The following PHRF1 variants were observed in gnomAD, a reference collection of about 807,000 sequenced individuals.
PHRF1 encodes the protein PHD and RING finger domain-containing protein 1.
PHRF1 carries 53 observed loss-of-function variants against 128.9 expected under a neutral mutation model. That is an observed-to-expected ratio of 0.41 (90% confidence interval 0.33 to 0.52). The LOEUF is 0.52. Among genes scored for constraint, PHRF1 ranks in the 20% least tolerant of loss-of-function variants. The pLI is 0.21. For synonymous variants in PHRF1, 1,178 were observed against 980.6 expected (o/e 1.20, Z -3.76); for missense variants, 2,503 against 2,284.5 (o/e 1.10, Z -1.95).
chr11:591,887 C>T (rs1311566441), intron 5 of PHRF1, among the ~76,000 whole-genome samples: 1 of 151,748 alleles, frequency 6.6e-6, no homozygotes, highest in Non-Finnish European at 1.5e-5. Flanking sequence ...GCTGGGTCCA[C>T]AGGCATGAGC....
intron 14 of PHRF1, 63 bp downstream of exon 14, chr11:609,783 CCGAGGACAGAGCCCCCCG>C: frequency 8.8e-7 from 1 of 1,137,966 alleles, no homozygotes; most frequent in African/African-American, 2.1e-5. Context: ...CTGGCCCCCG[CCGAGGACAGAGCCCCCCG>C]TGAGTAAGGC....
chr11:599,326 C>A (rs1387421401), intron 9 of PHRF1, among the ~76,000 whole-genome samples: 1 of 140,364 alleles, frequency 7.1e-6, no homozygotes, highest in Admixed American at 7.6e-5. Flanking sequence ...TCTTGGCTCA[C>A]TGCATCCTCC....
chr11:606,319 G>T, intron 12 of PHRF1, 123 bp from the exon 13 acceptor site: 1 of 1,265,838 alleles, frequency 7.9e-7, no homozygotes, highest in Non-Finnish European at 1.1e-6. Context: ...GGGCTGTGGG[G>T]GAGGCGCAGG....
At position 608,360 on chromosome 11, in the gene PHRF1, G is replaced by C. The variant is rs775895093; in HGVS notation, c.2904G>C (p.Pro968=). Residue 968 remains proline, a synonymous_variant, in exon 14 of 18, where the codon CCG becomes CCC. Coordinates refer to ENST00000264555, the MANE Select transcript of PHRF1 (RefSeq NM_001286581.2). ...TGACCTGTGTGACTGTCGTGGAGCC[G>C]GAAGCCCCACCCAGCCCGGACGTGC... ...RTVTCVTVVE[P]EAPPSPDVLQ... 1 of 1,610,398 alleles carries C rather than the reference G, an allele frequency of 6.2e-7. No homozygotes were observed. The highest frequency in any genetic ancestry group is 8.5e-7 in the Non-Finnish European group (1 of 1,179,020).
At chr11:591,908 G>A (rs971493167) in intron 5 of PHRF1, among the ~76,000 whole-genome samples, 4 of 150,000 alleles carry the variant, frequency 2.7e-5, no homozygotes, top group African/African-American at 5.0e-5. Flanking sequence ...TACCACACCC[G>A]GCTGTTTTTT....
Position 592,669 on chromosome 11 carries a change from T to C in PHRF1, c.615T>C (p.Asp205=). 1.2e-6 allele frequency: 2 copies of C among 1,614,012 alleles called. No individual in the cohort carries two copies. The highest frequency in any genetic ancestry group is 1.1e-5 in the South Asian group (1 of 91,084). Residue 205 remains aspartate (D), a synonymous_variant, in exon 6 of 18, where the codon GAT becomes GAC. Coordinates refer to ENST00000264555, the MANE Select transcript of PHRF1 (RefSeq NM_001286581.2). ...GGCTTTTGCTCTGCGACGGCTGCGA[T>C]GCGGGGTAAGGGACGGTTGGGACTG... is the stretch of plus-strand genomic sequence containing the variant. ...EDRLLLCDGC[D]AGYHMECLDP...
intron 6 of PHRF1, among the ~76,000 whole-genome samples, chr11:593,084 C>G (rs1012731748): frequency 4.6e-5 from 7 of 152,146 alleles, no homozygotes; most frequent in African/African-American, 1.7e-4. Flanking sequence ...TGGTGCATGT[C>G]CAGTTATGCT....
chr11:602,160 C>CG (rs1855663992), intron 10 of PHRF1, among the ~76,000 whole-genome samples: 1 of 152,154 alleles, frequency 6.6e-6, no homozygotes, highest in Admixed American at 6.5e-5. Flanking sequence ...GCCCTGGGAG[C>CG]GGCCTCCTTG....
chr11:608,814 G>A lies in PHRF1; in HGVS notation c.3358G>A (p.Gly1120Arg). The A allele has an allele frequency of 6.2e-7, 1 of 1,612,086 alleles. No homozygotes were observed. Among genetic ancestry groups the A allele is most frequent in the Non-Finnish European group, 8.5e-7 (1 of 1,179,802 alleles). The change falls in exon 14 of 18, where the codon GGA becomes AGA. Residue 1120 changes from glycine to arginine, a missense_variant. Physicochemically the swap from Gly to Arg is moderately radical, Grantham distance 125 (BLOSUM62 -2). Transcript: ENST00000264555. ...AAGGAGATCAGCGTCCAGACCTCGG[G>A]GAAGGGAGTGCTCCCCCACCAGCAG... Reference protein sequence around the residue: ...KKRRSASRPRGRECSPTSSLE... With the variant: ...KKRRSASRPRRRECSPTSSLE...
rs528607313 is a variant in PHRF1, at chr11:595,792, T to C, written c.621-1131T>C. Among the ~76,000 whole-genome samples the C allele has an allele frequency of 3.3e-5, 5 of 152,340 alleles. No individual in the cohort carries two copies. The South Asian group carries it at 8.3e-4, about 25-fold the overall frequency. ...GACGTTTTCAGACTTTGGAATTCTT[T>C]GAAAGAAGGTACTGCTCATCCTTGC... On this transcript the variant is annotated intron_variant, in intron 6 of 17. Coordinates refer to ENST00000264555, the MANE Select transcript of PHRF1 (RefSeq NM_001286581.2).
chr11:585,830 G>A (rs1299870585), intron 3 of PHRF1, among the ~76,000 whole-genome samples: 1 of 151,582 alleles, frequency 6.6e-6, no homozygotes, highest in Non-Finnish European at 1.5e-5. Flanking sequence ...ATAGGCACCT[G>A]CCACCGCGTC....
At position 581,947 on chromosome 11, in the gene PHRF1, C is replaced by T; in HGVS notation, c.95-15C>T. The T allele has an allele frequency of 6.3e-7, 1 of 1,580,428 alleles. No homozygotes were observed. Among genetic ancestry groups the T allele is most frequent in the Non-Finnish European group, 8.6e-7 (1 of 1,164,424 alleles). ...TGACGCCGCCCTGCGGCCTGTGTCTCACCCTGGTGTCTAGAAGAAAGCAGC... is the reference window on the plus strand; with the variant it reads ...TGACGCCGCCCTGCGGCCTGTGTCTTACCCTGGTGTCTAGAAGAAAGCAGC... On this transcript the variant is annotated splice_polypyrimidine_tract_variant and intron_variant, in intron 2 of 17. Coordinates refer to ENST00000264555, the MANE Select transcript of PHRF1 (RefSeq NM_001286581.2).
rs1406694604 is a variant in PHRF1, at chr11:608,940, A to AGGTCCC, written c.3491_3496dup (p.Arg1164_Ser1165dup). ...GTGGCCCCGAGACCGGAGGAAGCGG[A>AGGTCCC]GGTCCCGGTCCCCAAGCTCGGAGCA... On this transcript the variant is annotated inframe_insertion, in exon 14 of 18. Transcript: ENST00000264555. 6.2e-7 allele frequency: 1 copy of AGGTCCC among 1,611,180 alleles called. No homozygotes were observed. Among genetic ancestry groups the AGGTCCC allele is most frequent in the Non-Finnish European group, 8.5e-7 (1 of 1,179,518 alleles).
At chr11:596,052 T>C (rs779639796) in intron 6 of PHRF1, among the ~76,000 whole-genome samples, 50 of 152,228 alleles carry the variant, frequency 3.3e-4, no homozygotes, top group Non-Finnish European at 6.0e-4. Flanking sequence ...GGGTTTACTC[T>C]TGTTTAACTC....
chr11:595,860 C>A, intron 6 of PHRF1, among the ~76,000 whole-genome samples: 1 of 152,212 alleles, frequency 6.6e-6, no homozygotes, highest in East Asian at 1.9e-4. Context: ...TGTTAGGGGA[C>A]CTAGTTAGGC....
intron 5 of PHRF1, among the ~76,000 whole-genome samples, chr11:592,140 C>T (rs891781776): frequency 2.0e-5 from 3 of 152,148 alleles, no homozygotes; most frequent in African/African-American, 7.2e-5. Context: ...TGGTCTCGAT[C>T]TCCTGACCTC....
Position 587,410 on chromosome 11 carries a change from G to T in PHRF1, c.366G>T (p.Thr122=). The change falls in exon 4 of 18, where the codon ACG becomes ACT. Residue 122 remains threonine (T), a synonymous_variant. Transcript: ENST00000264555. ...CATTCAGAGACCAGGCCGTGGGGAC[G>T]CCGGAGAACTGTGCCCATTACTTCT... ...LNAFRDQAVG[T]PENCAHYFCL... is the part of the protein sequence containing the mutation. 6.2e-7 allele frequency: 1 copy of T among 1,613,784 alleles called. No individual in the cohort carries two copies.
intron 8 of PHRF1, 92 bp from the exon 9 acceptor site, chr11:598,281 A>G (rs1326399075): frequency 6.9e-6 from 10 of 1,459,246 alleles, no homozygotes; most frequent in African/African-American, 5.7e-5. Context: ...TCTGGCTGCC[A>G]TTGTGGGCTG....
At chr11:603,955 G>T (rs1170134916) in intron 10 of PHRF1, among the ~76,000 whole-genome samples, 1 of 151,022 alleles carries the variant, frequency 6.6e-6, no homozygotes, top group African/African-American at 2.4e-5. Flanking sequence ...CACCCACCTT[G>T]GCCTCCCAAA....
Sources: gnomAD v4.1 joint callset for allele counts (sites outside exome capture counted in the v4.1 genomes callset) on GRCh38, gnomAD v4.1.1 for gene constraint, MANE v1.5 for transcripts, NCBI Gene and HGNC (gene_info 2026-07-23, HGNC 2026-07-21) for gene names.